Variants in NID1 observed in about 807,000 individuals in gnomAD.
NID1 encodes the protein nidogen-1.
NID1 carries 76 observed loss-of-function variants against 130.6 expected under a neutral mutation model. That is an observed-to-expected ratio of 0.58 (90% CI 0.48 to 0.70). The LOEUF (loss-of-function observed/expected upper bound fraction) is 0.70. Ranked by LOEUF, NID1 falls within the 30% of genes least tolerant of loss-of-function variation. The probability of loss-of-function intolerance (pLI) is 0.00; values close to 1 mark genes in which losing one functional copy is unlikely to be tolerated. For missense variants in NID1, 1,517 were observed against 1,664.8 expected (o/e 0.91, Z 1.54); for synonymous variants, 665 against 675.1 (o/e 0.98, Z 0.23).
At chr1:236,058,093 T>G (rs868093795) in intron 1 of NID1, among the ~76,000 whole-genome samples, 1 of 152,336 alleles carries the variant, frequency 6.6e-6, no homozygotes. Context: ...AATGTAATAT[T>G]ATCATCTTAA....
chr1:236,048,662 C>A (rs1188606745), intron 2 of NID1, 28 bp downstream of exon 2: 1 of 1,599,416 alleles, frequency 6.3e-7, no homozygotes, highest in Non-Finnish European at 8.5e-7. Context: ...GTCTGATTAC[C>A]TGCACTTGGA....
Position 236,045,700 on chromosome 1 carries a change from A to T in NID1, c.526-17T>A. On this transcript the variant is annotated splice_polypyrimidine_tract_variant and intron_variant, in intron 2 of 19. Transcript: ENST00000264187. ...CGTGTTTCTCTGTGAAGATGAGTTA[A>T]AATTCAGTTACTCGGAAAAATATCG... The T allele has an allele frequency of 6.3e-7, 1 of 1,579,704 alleles. No individual in the cohort carries two copies. The highest frequency in any genetic ancestry group is 8.7e-7 in the Non-Finnish European group (1 of 1,155,294).
chr1:235,990,801 G>C, intron 14 of NID1, 85 bp downstream of exon 14: 1 of 1,478,676 alleles, frequency 6.8e-7, no homozygotes, highest in Non-Finnish European at 9.3e-7. Context: ...GGTTGAGCCT[G>C]GGGTTCTGGT....
At chr1:235,996,967 C>T (rs190860755) in intron 12 of NID1, among the ~76,000 whole-genome samples, 139 of 152,120 alleles carry the variant, frequency 9.1e-4, no homozygotes, top group African/African-American at 3.1e-3. Context: ...CCCGAGTAGC[C>T]GGGATTACAG....
In NID1 at chr1:236,017,174, T is replaced by G; in HGVS notation, c.2228A>C (p.Gln743Pro). 1 of 1,614,208 alleles carries G rather than the reference T, an allele frequency of 6.2e-7. No individual in the cohort carries two copies. Among genetic ancestry groups the G allele is most frequent in the Non-Finnish European group, 8.5e-7 (1 of 1,180,024 alleles). The change falls in exon 10 of 20, where the codon CAG (glutamine) becomes CCG (proline). Residue 743 changes from glutamine (Q) to proline (P), a missense_variant. Gln to Pro is a moderately conservative substitution (Grantham distance 76). Transcript: ENST00000264187. ...TFRCECVEGYQFSDEGTCVAV... is the reference protein window; with the variant it reads ...TFRCECVEGYPFSDEGTCVAV... ...CACACACGTTCCCTCATCTGAAAAC[T>G]GGTAGCCCTCCACACACTCGCAGCG...
chr1:236,019,400 A>G (rs1444337714), intron 9 of NID1, among the ~76,000 whole-genome samples: 1 of 152,276 alleles, frequency 6.6e-6, no homozygotes, highest in Non-Finnish European at 1.5e-5. Flanking sequence ...AGCACAGAGC[A>G]GCAGTTTTCA....
chr1:236,060,268 C>T (rs1419104620), intron 1 of NID1, among the ~76,000 whole-genome samples: 1 of 152,100 alleles, frequency 6.6e-6, no homozygotes. Flanking sequence ...ATTTCCATGG[C>T]ATTTGTAAAG....
chr1:236,029,786 G>C, intron 6 of NID1, 36 bp from the exon 7 acceptor site: 1 of 1,607,050 alleles, frequency 6.2e-7, no homozygotes, highest in South Asian at 1.1e-5. Context: ...TTTGCTGACT[G>C]GGGAGCGCGC....
Position 236,048,795 on chromosome 1 carries a change from T to G in NID1, c.420A>C (p.Arg140Ser), listed in dbSNP as rs1659683810. The change falls in exon 2 of 20, where the codon AGA becomes AGC. Residue 140 changes from arginine (R) to serine (S), a missense_variant. Arg to Ser is a moderately radical substitution (Grantham distance 110, BLOSUM62 -1). Coordinates refer to ENST00000264187, the MANE Select transcript of NID1 (RefSeq NM_002508.3). ...GCTGGAAAGAGATCTCCGGGAACCC[T>G]CTGTGGACACACTCTGCTGCTCGCT... ...ITQRAAECVH[R>S]GFPEISFQPS... is the part of the protein sequence containing the mutation. 3.1e-6 allele frequency: 5 copies of G among 1,613,970 alleles called. No individual in the cohort carries two copies. Among genetic ancestry groups the G allele is most frequent in the Middle Eastern group, 1.6e-4 (1 of 6,064 alleles).
intron 10 of NID1, among the ~76,000 whole-genome samples, chr1:236,016,382 G>C (rs962020677): frequency 1.3e-5 from 2 of 152,170 alleles, no homozygotes; most frequent in Admixed American, 1.3e-4. Flanking sequence ...GTGAGGAAGA[G>C]GCAAGAAGAT....
chr1:236,018,707 G>A (rs1658670697), intron 9 of NID1, among the ~76,000 whole-genome samples: 1 of 152,198 alleles, frequency 6.6e-6, no homozygotes, highest in Non-Finnish European at 1.5e-5. Flanking sequence ...CCAAAGTGCT[G>A]GGATTACAGG....
At chr1:236,035,010 T>C (rs993045631) in intron 5 of NID1, among the ~76,000 whole-genome samples, 2 of 143,638 alleles carry the variant, frequency 1.4e-5, no homozygotes, top group African/African-American at 5.5e-5. Context: ...TTTTTTATTA[T>C]ACTTTAAGTT....
chr1:235,981,531 G>C, intron 16 of NID1, 80 bp downstream of exon 16: 1 of 1,462,372 alleles, frequency 6.8e-7, no homozygotes. Flanking sequence ...CAATGCTGGA[G>C]TTAAAGCCTC....
intron 13 of NID1, among the ~76,000 whole-genome samples, chr1:235,992,821 T>G (rs1241826625): frequency 1.3e-5 from 2 of 152,244 alleles, no homozygotes; most frequent in Non-Finnish European, 2.9e-5. Context: ...TATCAATCAA[T>G]GATTATTAGC....
chr1:235,980,803 A>T lies in NID1; in HGVS notation c.3228-150T>A, dbSNP rs933528878. On this transcript the variant is annotated intron_variant, in intron 16 of 19. Coordinates refer to ENST00000264187, the MANE Select transcript of NID1 (RefSeq NM_002508.3). ...AAAGGATCGAGAGGTGATAAAACAC[A>T]TTTTCTTTTGCAAAGATACTTGAAT... is the stretch of plus-strand genomic sequence containing the variant. 1.6e-5 allele frequency: 14 copies of T among 891,524 alleles called. No homozygotes were observed. The African/African-American group carries it at 2.4e-4, about 15-fold the overall frequency. 55.2% of individuals were successfully genotyped at this position (891,524 alleles called of 1,614,324 possible). A position where few individuals can be genotyped will look rare whatever the true frequency, so the allele number is the denominator to read the frequency against.
At chr1:236,030,131 T>C (rs1020205058) in intron 6 of NID1, among the ~76,000 whole-genome samples, 1 of 152,214 alleles carries the variant, frequency 6.6e-6, no homozygotes, top group Non-Finnish European at 1.5e-5. Context: ...ACAATCTATG[T>C]TCTGCAAATT....
intron 12 of NID1, among the ~76,000 whole-genome samples, chr1:236,001,655 C>G (rs1422021268): frequency 6.6e-6 from 1 of 152,200 alleles, no homozygotes; most frequent in Non-Finnish European, 1.5e-5. Flanking sequence ...CATGTCCCTT[C>G]CCAACATTTA....
chr1:235,983,639 G>A (rs1054865962), intron 15 of NID1, among the ~76,000 whole-genome samples: 1 of 152,134 alleles, frequency 6.6e-6, no homozygotes, highest in Non-Finnish European at 1.5e-5. Context: ...TGTCTCCTTA[G>A]AACCAGCCTT....
chr1:236,019,470 A>AG (rs1658693206), intron 9 of NID1, among the ~76,000 whole-genome samples: 5 of 152,334 alleles, frequency 3.3e-5, no homozygotes, highest in African/African-American at 1.2e-4. Flanking sequence ...CTCCCTGGGA[A>AG]CATTTACGCA....
Sources: allele counts gnomAD v4.1 joint callset (sites outside exome capture counted in the v4.1 genomes callset), GRCh38; gene constraint gnomAD v4.1.1; transcripts MANE v1.5; gene names NCBI Gene and HGNC (gene_info 2026-07-23, HGNC 2026-07-21).